SATB2: variants seen among roughly 807,000 people sequenced by gnomAD.
The protein encoded by SATB2 is SATB homeobox 2.
In SATB2, 1 loss-of-function variant was observed where a neutral mutation model predicts 73.4. The observed-to-expected ratio is 0.01, with a 90% CI of 0.00 to 0.06. The LOEUF (loss-of-function observed/expected upper bound fraction) is 0.06, where lower values mean the gene tolerates loss of function less well. Among genes scored for constraint, SATB2 ranks in the 10% least tolerant of loss-of-function variants. SATB2 has a pLI of 1.00. For synonymous variants in SATB2, 397 were observed against 367.0 expected, an observed-to-expected ratio of 1.08 and a Z score of -0.93; for missense variants, 459 against 945.8, an observed-to-expected ratio of 0.49 and a Z score of 6.75.
At chr2:199,352,457 C>A (rs1688846995) in intron 6 of SATB2, among the ~76,000 whole-genome samples, 1 of 152,148 alleles carries the variant, frequency 6.6e-6, no homozygotes, top group Non-Finnish European at 1.5e-5. Flanking sequence ...AGTCCATATT[C>A]TTTAAGGTTA....
At position 199,457,855 on chromosome 2, in the gene SATB2, C is replaced by G. The variant is rs1352398900; in HGVS notation, c.-576G>C. On this transcript the variant is annotated 5_prime_UTR_variant, in exon 1 of 11. Coordinates refer to ENST00000417098, the MANE Select transcript of SATB2 (RefSeq NM_001172509.2). This position sits in a 1 kb window ranked among gnomAD's most constrained non-coding sequence, Gnocchi z 4.8. ...AGACGCAGGGACCCGGGACCGCGCG[C>G]GGGAGGAAACGCGGCGGCCGCCCAA... 1 of 153,264 alleles carries G rather than the reference C, an allele frequency of 6.5e-6. No homozygotes were observed. The highest frequency in any genetic ancestry group is 1.5e-5 in the Non-Finnish European group (1 of 68,142). 9.5% of individuals were successfully genotyped at this position (153,264 alleles called of 1,614,324 possible). A position where few individuals can be genotyped will look rare whatever the true frequency, so the allele number is the denominator to read the frequency against.
intron 10 of SATB2, among the ~76,000 whole-genome samples, chr2:199,300,162 GGA>G (rs1343918821): frequency 6.6e-6 from 1 of 151,748 alleles, no homozygotes; most frequent in African/African-American, 2.4e-5. Flanking sequence ...GTAAGTAAAA[GGA>G]GAGAGGGAAG....
chr2:199,425,333 A>G (rs1691294669), intron 3 of SATB2, among the ~76,000 whole-genome samples: 1 of 152,256 alleles, frequency 6.6e-6, no homozygotes, highest in Non-Finnish European at 1.5e-5. Flanking sequence ...GAAGGACTTT[A>G]GGCAGTTTAA....
intron 5 of SATB2, among the ~76,000 whole-genome samples, chr2:199,372,696 T>A (rs1689485471): frequency 6.6e-6 from 1 of 152,090 alleles, no homozygotes; most frequent in South Asian, 2.1e-4. Context: ...ACCACCTCCA[T>A]CAGCGACCCC....
upstream of SATB2, chr2:199,459,678 A>C (rs1206715698): frequency 1.3e-5 from 2 of 152,746 alleles, no homozygotes; most frequent in Admixed American, 1.3e-4. The surrounding 1 kb of genome is among the most constrained non-coding windows in gnomAD (Gnocchi z 4.2). Flanking sequence ...CCGCAGCAAG[A>C]GCCACCGATC....
chr2:199,449,384 A>G (rs867800564), intron 2 of SATB2, among the ~76,000 whole-genome samples: 1 of 152,178 alleles, frequency 6.6e-6, no homozygotes, highest in African/African-American at 2.4e-5. Context: ...ACTTGCTACT[A>G]AAAAGCAAAA....
chr2:199,415,573 T>C (rs1335631561), intron 3 of SATB2, among the ~76,000 whole-genome samples: 1 of 152,212 alleles, frequency 6.6e-6, no homozygotes, highest in Non-Finnish European at 1.5e-5. Context: ...GATATCCAAA[T>C]TACATTAGAA....
intron 3 of SATB2, among the ~76,000 whole-genome samples, chr2:199,416,609 T>C (rs916129107): frequency 1.3e-5 from 2 of 152,164 alleles, no homozygotes; most frequent in South Asian, 2.1e-4. Flanking sequence ...AACAGTAAAG[T>C]AGAAGACTGG....
chr2:199,401,190 G>A (rs940122914), intron 3 of SATB2, among the ~76,000 whole-genome samples: 1 of 152,084 alleles, frequency 6.6e-6, no homozygotes, highest in African/African-American at 2.4e-5. Context: ...TGAAACTTAG[G>A]TCTACTTAGT....
upstream of SATB2, chr2:199,458,453 T>G (rs1025873368): frequency 2.5e-5 from 10 of 394,298 alleles, no homozygotes; most frequent in Admixed American, 1.2e-4. Flanking sequence ...GAGAACCGAG[T>G]GCGGCGCGAG....
rs546953875 is a variant in SATB2, at chr2:199,362,583, C to T, written c.700+6022G>A. On this transcript the variant is annotated intron_variant, in intron 6 of 10. Transcript: ENST00000417098. Reference sequence around the variant, plus strand: ...TTAATTATGGCCTGTAGCAGAAGTGCTCACTAAACATTTAGTTAAAATTAT... The same window carrying T: ...TTAATTATGGCCTGTAGCAGAAGTGTTCACTAAACATTTAGTTAAAATTAT... 2.6e-5 allele frequency among the ~76,000 whole-genome samples: 4 copies of T among 152,154 alleles called. No individual in the cohort carries two copies. In the South Asian group the frequency reaches 8.3e-4, roughly 32 times the overall value.
At chr2:199,359,886 C>T (rs1689088425) in intron 6 of SATB2, among the ~76,000 whole-genome samples, 1 of 152,076 alleles carries the variant, frequency 6.6e-6, no homozygotes, top group African/African-American at 2.4e-5. Context: ...CATGTCTATT[C>T]CCTTGGGAGT....
At chr2:199,390,594 T>C (rs1690100810) in intron 3 of SATB2, among the ~76,000 whole-genome samples, 1 of 152,216 alleles carries the variant, frequency 6.6e-6, no homozygotes, top group Non-Finnish European at 1.5e-5. Context: ...GTATACTCTT[T>C]TAAACATACT....
At position 199,352,754 on chromosome 2, in the gene SATB2, C is replaced by G. The variant is rs568040396; in HGVS notation, c.701-3581G>C. Among the ~76,000 whole-genome samples, 5 of 152,246 alleles carry G rather than the reference C, an allele frequency of 3.3e-5. No homozygotes were observed. The South Asian group carries it at 6.2e-4, about 19-fold the overall frequency. ...GGTAGCAACCACTACCTAACCTCAG[C>G]CAGTTTCTGTCTTTCTTATATTGTC... On this transcript the variant is annotated intron_variant, in intron 6 of 10. Transcript: ENST00000417098.
intron 3 of SATB2, among the ~76,000 whole-genome samples, chr2:199,386,696 GCGCGCGCGCGCGCGCGCGCGCA>G (rs1689951308): frequency 4.8e-3 from 2 of 418 alleles, no homozygotes; most frequent in African/African-American, 7.9e-3. Flanking sequence ...ACGTGCGCAA[GCGCGCGCGCGCGCGCGCGCGCA>G]CACACACACA....
chr2:199,438,590 G>T (rs1487303056), intron 2 of SATB2, among the ~76,000 whole-genome samples: 1 of 152,156 alleles, frequency 6.6e-6, no homozygotes, highest in Non-Finnish European at 1.5e-5. Context: ...CACAACACTG[G>T]CTATGAAAGT....
chr2:199,354,038 C>A (rs371461684), intron 6 of SATB2, among the ~76,000 whole-genome samples: 9 of 152,134 alleles, frequency 5.9e-5, no homozygotes, highest in African/African-American at 1.2e-4. Context: ...AAAGGCAACA[C>A]GCTTACTTAT....
chr2:199,406,524 G>C (rs1162391726), intron 3 of SATB2, among the ~76,000 whole-genome samples: 1 of 152,138 alleles, frequency 6.6e-6, no homozygotes, highest in Non-Finnish European at 1.5e-5. Flanking sequence ...TTTCAACAGA[G>C]CCTTCTAAGA....
chr2:199,349,732 T>C (rs562787070), intron 6 of SATB2, among the ~76,000 whole-genome samples: 1 of 152,302 alleles, frequency 6.6e-6, no homozygotes, highest in East Asian at 1.9e-4. Flanking sequence ...GAAATGTTTC[T>C]TTAAGAAATT....
Sources: allele counts gnomAD v4.1 joint callset (sites outside exome capture counted in the v4.1 genomes callset), GRCh38; gene constraint gnomAD v4.1.1; non-coding constraint Gnocchi (gnomAD v3.1); transcripts MANE v1.5; gene names NCBI Gene and HGNC (gene_info 2026-07-23, HGNC 2026-07-21).